Variants in ACER3 observed in about 807,000 individuals in gnomAD.
ACER3 encodes the protein alkCDase 3.
A neutral mutation model predicts 48.9 loss-of-function variants in ACER3; 16 were observed. The observed-to-expected ratio is 0.33, with a 90% CI of 0.22 to 0.50. The LOEUF is 0.50. Among genes scored for constraint, ACER3 ranks in the 20% least tolerant of loss-of-function variants. The probability of loss-of-function intolerance (pLI) is 0.98; values close to 1 mark genes in which losing one functional copy is unlikely to be tolerated. For synonymous variants in ACER3, 109 were observed against 107.8 expected (o/e 1.01, Z -0.07); for missense variants, 227 against 326.0 (o/e 0.70, Z 2.34).
intron 1 of ACER3, among the ~76,000 whole-genome samples, chr11:76,923,822 C>A (rs1187269447): frequency 6.6e-6 from 1 of 152,146 alleles, no homozygotes; most frequent in Non-Finnish European, 1.5e-5. Flanking sequence ...CTGTTTCTGG[C>A]TATGTGTGTA....
At chr11:76,982,248 C>T (rs1310997702) in intron 4 of ACER3, among the ~76,000 whole-genome samples, 7 of 143,900 alleles carry the variant, frequency 4.9e-5, no homozygotes, top group African/African-American at 2.6e-5. Flanking sequence ...GACAGAGTCT[C>T]GCTCTGTCGC....
intron 2 of ACER3, among the ~76,000 whole-genome samples, chr11:76,933,564 A>G (rs1947077469): frequency 6.6e-6 from 1 of 151,988 alleles, no homozygotes. Flanking sequence ...CCCTGAGTGG[A>G]CACAGCACAT....
chr11:76,883,746 T>C (rs1049883025), intron 1 of ACER3, among the ~76,000 whole-genome samples: 3 of 152,174 alleles, frequency 2.0e-5, no homozygotes, highest in African/African-American at 7.2e-5. Context: ...CCCAGCCGAT[T>C]TTCTTGCTTT....
At chr11:76,870,504 C>T (rs1462593786) in intron 1 of ACER3, among the ~76,000 whole-genome samples, 1 of 152,064 alleles carries the variant, frequency 6.6e-6, no homozygotes, top group African/African-American at 2.4e-5. Flanking sequence ...GAATAATGCT[C>T]CTGTGAACAT....
chr11:76,973,492 G>A (rs937674110), intron 3 of ACER3, among the ~76,000 whole-genome samples: 43 of 152,130 alleles, frequency 2.8e-4, no homozygotes, highest in African/African-American at 1.0e-3. Context: ...GGACGGACAT[G>A]TCCATACCTC....
chr11:76,950,389 A>T (rs1159859877), intron 2 of ACER3, among the ~76,000 whole-genome samples: 2 of 27,900 alleles, frequency 7.2e-5, no homozygotes, highest in African/African-American at 2.7e-4. Context: ...ATATATATAT[A>T]TATATATATA....
At chr11:76,932,902 G>A (rs1034433397) in intron 2 of ACER3, among the ~76,000 whole-genome samples, 4 of 152,022 alleles carry the variant, frequency 2.6e-5, no homozygotes, top group Non-Finnish European at 4.4e-5. Flanking sequence ...CACAATAAAG[G>A]CAGAATCTAT....
At chr11:76,918,173 C>A (rs772341518) in intron 1 of ACER3, among the ~76,000 whole-genome samples, 1 of 151,872 alleles carries the variant, frequency 6.6e-6, no homozygotes, top group African/African-American at 2.4e-5. Flanking sequence ...TAGTGCCTTG[C>A]ATGTAGAAAA....
chr11:76,979,707 A>G (rs1213928658), intron 4 of ACER3, among the ~76,000 whole-genome samples: 2 of 152,168 alleles, frequency 1.3e-5, no homozygotes, highest in East Asian at 3.8e-4. Context: ...GTAAAGGGCC[A>G]GATGATAAAT....
At chr11:76,869,019 C>G (rs2134513934) in intron 1 of ACER3, among the ~76,000 whole-genome samples, 1 of 152,320 alleles carries the variant, frequency 6.6e-6, no homozygotes, top group East Asian at 1.9e-4. Context: ...TTTGAAATAT[C>G]CTTTGTAATA....
At chr11:76,901,970 A>G (rs1298879665) in intron 1 of ACER3, among the ~76,000 whole-genome samples, 3 of 152,074 alleles carry the variant, frequency 2.0e-5, no homozygotes, top group Non-Finnish European at 4.4e-5. Flanking sequence ...CTCCTCCTTT[A>G]TTCGAGTTAA....
chr11:76,979,755 T>C (rs1195987721), intron 4 of ACER3, among the ~76,000 whole-genome samples: 5 of 152,104 alleles, frequency 3.3e-5, no homozygotes, highest in African/African-American at 1.2e-4. Context: ...CTGTTGCAGC[T>C]CTTCAACTCT....
chr11:76,921,481 C>T lies in ACER3; in HGVS notation c.104-5076C>T, dbSNP rs186679000. Among the ~76,000 whole-genome samples the T allele has an allele frequency of 2.1e-4, 32 of 152,212 alleles. No homozygotes were observed. In the East Asian group the frequency reaches 5.6e-3, roughly 27 times the overall value. The stretch of plus-strand genomic sequence containing the variant: ...CAGTATCTGTATTGAAAAGACCATC[C>T]TTTCCTTAATACACTGCAGGCTTAT... On this transcript the variant is annotated intron_variant, in intron 1 of 10. Coordinates refer to ENST00000532485, the MANE Select transcript of ACER3 (RefSeq NM_018367.7).
At chr11:76,882,878 T>C (rs1945563091) in intron 1 of ACER3, among the ~76,000 whole-genome samples, 1 of 152,214 alleles carries the variant, frequency 6.6e-6, no homozygotes, top group Non-Finnish European at 1.5e-5. Context: ...TTCAACCTGT[T>C]ATATGCACGT....
rs548234266 is a variant in ACER3, at chr11:76,889,891, TG to T, written c.103+28814del. On this transcript the variant is annotated intron_variant, in intron 1 of 10. Coordinates refer to ENST00000532485, the MANE Select transcript of ACER3 (RefSeq NM_018367.7). ...GCCATTTTTGTTATTTTTTCTTTCT[TG>T]GTTATTTTTTCTTGCTATCTTATAT... 3.3e-5 allele frequency among the ~76,000 whole-genome samples: 5 copies of T among 152,248 alleles called. No homozygotes were observed. In the South Asian group the frequency reaches 1.0e-3, roughly 32 times the overall value.
intron 1 of ACER3, among the ~76,000 whole-genome samples, chr11:76,862,934 G>GA (rs60989967): frequency 1.3e-5 from 2 of 152,186 alleles, no homozygotes; most frequent in African/African-American, 4.8e-5. Flanking sequence ...TTAGAACCAA[G>GA]AAAAAACTGG....
intron 3 of ACER3, 175 bp downstream of exon 3, chr11:76,959,206 T>A: frequency 6.7e-7 from 1 of 1,491,276 alleles, no homozygotes; most frequent in South Asian, 1.3e-5. Flanking sequence ...AGCAGGTGAG[T>A]CCATAAGGAA....
chr11:76,944,522 A>G (rs1459705032), intron 2 of ACER3, among the ~76,000 whole-genome samples: 1 of 151,990 alleles, frequency 6.6e-6, no homozygotes, highest in African/African-American at 2.4e-5. Flanking sequence ...GCACTTTGAT[A>G]ATGCCATTCC....
At chr11:77,001,569 T>G (rs1169803756) in intron 7 of ACER3, among the ~76,000 whole-genome samples, 3 of 152,182 alleles carry the variant, frequency 2.0e-5, no homozygotes, top group Admixed American at 1.3e-4. Context: ...TAGATTTGTT[T>G]TTAAGATTTG....
Sources: gnomAD v4.1 joint callset for allele counts (sites outside exome capture counted in the v4.1 genomes callset) on GRCh38, gnomAD v4.1.1 for gene constraint, MANE v1.5 for transcripts, NCBI Gene and HGNC (gene_info 2026-07-23, HGNC 2026-07-21) for gene names.